The following ROBO1 variants were observed in gnomAD, a reference collection of about 807,000 sequenced individuals.
ROBO1 encodes roundabout guidance receptor 1.
ROBO1 carries 149 observed loss-of-function variants against 195.9 expected under a neutral mutation model. The observed-to-expected ratio is 0.76, with a 90% CI of 0.67 to 0.87. The LOEUF is 0.87. Ranked by LOEUF, ROBO1 falls within the 40% of genes least tolerant of loss-of-function variation. ROBO1 has a pLI of 0.00. For missense variants in ROBO1, 1,933 were observed against 2,068.3 expected (o/e 0.93, Z 1.27); for synonymous variants, 816 against 733.2 (o/e 1.11, Z -1.82).
intron 1 of ROBO1, among the ~76,000 whole-genome samples, chr3:79,723,925 A>G (rs1380652449): frequency 6.6e-6 from 1 of 152,254 alleles, no homozygotes; most frequent in African/African-American, 2.4e-5. Flanking sequence ...ACAGAAATAA[A>G]GCAGTTGACT....
intron 2 of ROBO1, among the ~76,000 whole-genome samples, chr3:79,479,231 T>C (rs1343136198): frequency 1.3e-5 from 2 of 152,302 alleles, no homozygotes; most frequent in East Asian, 1.9e-4. Context: ...TCGTGGAAGA[T>C]GATTTTTTCC....
At chr3:79,446,999 T>C (rs74848100) in intron 2 of ROBO1, among the ~76,000 whole-genome samples, 9 of 141,076 alleles carry the variant, frequency 6.4e-5, no homozygotes, top group South Asian at 2.2e-4. Context: ...AATTTTTGTA[T>C]TTTTTTTTTT....
chr3:79,081,347 T>C (rs2079271333), intron 3 of ROBO1, among the ~76,000 whole-genome samples: 1 of 152,140 alleles, frequency 6.6e-6, no homozygotes, highest in Non-Finnish European at 1.5e-5. Context: ...CACACTCAGA[T>C]GGCTGTCAGT....
At chr3:79,516,355 A>G (rs1454426452) in intron 2 of ROBO1, among the ~76,000 whole-genome samples, 1 of 152,136 alleles carries the variant, frequency 6.6e-6, no homozygotes, top group Non-Finnish European at 1.5e-5. Context: ...ACCTATATTT[A>G]TATTTTAAAA....
At chr3:79,605,448 T>C (rs1364130621) in intron 1 of ROBO1, among the ~76,000 whole-genome samples, 1 of 151,912 alleles carries the variant, frequency 6.6e-6, no homozygotes, top group Non-Finnish European at 1.5e-5. Flanking sequence ...ACATCTTCAT[T>C]CTCCTGCCCC....
chr3:79,678,547 T>A (rs905488559), intron 1 of ROBO1, among the ~76,000 whole-genome samples: 84 of 152,196 alleles, frequency 5.5e-4, no homozygotes, highest in African/African-American at 1.9e-3. Context: ...TTGAACATTA[T>A]CAGAGAGTTA....
intron 10 of ROBO1, among the ~76,000 whole-genome samples, chr3:78,675,439 C>T (rs1329120202): frequency 6.6e-6 from 1 of 152,098 alleles, no homozygotes; most frequent in African/African-American, 2.4e-5. Context: ...CAGACGGCAC[C>T]TGGAAAATCG....
intron 1 of ROBO1, among the ~76,000 whole-genome samples, chr3:79,645,996 A>T (rs11916487): frequency 0.29 from 43,945 of 151,962 alleles, 6,472 homozygotes; most frequent in East Asian, 0.41. Context: ...AACATTGGGG[A>T]AACAATCCAG....
At chr3:79,456,949 A>G (rs995024820) in intron 2 of ROBO1, among the ~76,000 whole-genome samples, 1 of 152,016 alleles carries the variant, frequency 6.6e-6, no homozygotes, top group African/African-American at 2.4e-5. Flanking sequence ...AGGTAAATAT[A>G]TCCCTACACT....
intron 5 of ROBO1, among the ~76,000 whole-genome samples, chr3:78,723,872 T>C (rs1450457842): frequency 6.6e-6 from 1 of 152,156 alleles, no homozygotes; most frequent in Non-Finnish European, 1.5e-5. Flanking sequence ...ATAATATTTA[T>C]TGTAGTTAAG....
At chr3:79,340,487 T>A (rs1259177953) in intron 2 of ROBO1, among the ~76,000 whole-genome samples, 2 of 152,046 alleles carry the variant, frequency 1.3e-5, no homozygotes, top group East Asian at 3.9e-4. Flanking sequence ...AGGTTCAGAG[T>A]GGATGTGATG....
rs558637222 is a variant in ROBO1, at chr3:79,317,583, T to C, written c.89-192044A>G. Among the ~76,000 whole-genome samples the C allele has an allele frequency of 2.6e-5, 4 of 152,304 alleles. No individual in the cohort carries two copies. The East Asian group carries it at 7.7e-4, about 29-fold the overall frequency. ...GGCCAAATCTAATCTTCTACTCATG[T>C]TATAAACAAATCTAAACAAATATTC... On this transcript the variant is annotated intron_variant, in intron 2 of 30. Coordinates refer to ENST00000464233, the MANE Select transcript of ROBO1 (RefSeq NM_002941.4).
chr3:78,886,297 A>G (rs2036568113), intron 4 of ROBO1, among the ~76,000 whole-genome samples: 1 of 152,034 alleles, frequency 6.6e-6, no homozygotes, highest in South Asian at 2.1e-4. Flanking sequence ...AGTTTTGTTC[A>G]TTAAAAAATT....
chr3:78,771,743 T>A (rs2083381111), intron 4 of ROBO1, among the ~76,000 whole-genome samples: 5 of 152,186 alleles, frequency 3.3e-5, no homozygotes, highest in Admixed American at 3.3e-4. Flanking sequence ...TGATTTTATA[T>A]CCTGAAACTT....
intron 2 of ROBO1, among the ~76,000 whole-genome samples, chr3:79,492,653 A>T (rs564529576): frequency 6.6e-6 from 1 of 152,184 alleles, no homozygotes; most frequent in South Asian, 2.1e-4. Context: ...CTACTAAGAA[A>T]TTCATAAATT....
chr3:79,723,086 A>C (rs1343448312), intron 1 of ROBO1, among the ~76,000 whole-genome samples: 1 of 152,184 alleles, frequency 6.6e-6, no homozygotes, highest in African/African-American at 2.4e-5. Flanking sequence ...TAGTATTATA[A>C]ATTTTTCTGT....
intron 3 of ROBO1, among the ~76,000 whole-genome samples, chr3:79,068,838 A>G (rs2079043149): frequency 6.6e-6 from 1 of 151,902 alleles, no homozygotes; most frequent in Admixed American, 6.6e-5. Flanking sequence ...AATCCAATGA[A>G]ATGGAAATCT....
intron 3 of ROBO1, among the ~76,000 whole-genome samples, chr3:79,088,971 A>G (rs1007381868): frequency 6.6e-6 from 1 of 152,112 alleles, no homozygotes; most frequent in African/African-American, 2.4e-5. Context: ...AGTTGGATAC[A>G]AATGATAGGA....
Position 78,717,154 on chromosome 3 carries a change from T to A in ROBO1, c.917+121A>T, listed in dbSNP as rs147342261. On this transcript the variant is annotated intron_variant, in intron 7 of 30. Transcript: ENST00000464233. ...GCTTCTAATTATCTCCAGTATTGTA[T>A]CTGGCCCCTGATAGAGGATTCTAGA... is the stretch of plus-strand genomic sequence containing the variant. 2.1e-3 allele frequency: 2,178 copies of A among 1,017,162 alleles called. 7 individuals are homozygous for A. Among genetic ancestry groups the A allele is most frequent in the Middle Eastern group, 5.9e-3 (22 of 3,736 alleles). 63.0% of individuals were successfully genotyped at this position (1,017,162 alleles called of 1,614,324 possible).
Sources: gnomAD v4.1 joint callset for allele counts (sites outside exome capture counted in the v4.1 genomes callset) on GRCh38, gnomAD v4.1.1 for gene constraint, MANE v1.5 for transcripts, NCBI Gene and HGNC (gene_info 2026-07-23, HGNC 2026-07-21) for gene names.